Variants in GNG12 observed in about 807,000 individuals in gnomAD.
The protein encoded by GNG12 is G protein subunit gamma 12.
For missense variants in GNG12, 69 were observed against 83.8 expected (o/e 0.82, Z 0.69); for synonymous variants, 28 against 29.7 (o/e 0.94, Z 0.19).
intron 1 of GNG12, among the ~76,000 whole-genome samples, chr1:67,816,249 C>G (rs2249763): frequency 0.27 from 40,928 of 151,990 alleles, 5,952 homozygotes; most frequent in Admixed American, 0.34. Flanking sequence ...TCCCTTTGCC[C>G]CACCCACCCT....
intron 2 of GNG12, among the ~76,000 whole-genome samples, chr1:67,771,688 A>C (rs1646675621): frequency 6.6e-6 from 1 of 152,228 alleles, no homozygotes; most frequent in Non-Finnish European, 1.5e-5. Flanking sequence ...CCACCACAGC[A>C]GACACAGGCG....
rs1232585495 is a variant in GNG12 at position 67,702,601 on chromosome 1, T to C, written c.*2850A>G. Reference sequence around the variant, plus strand: ...TAAATGATTTTAAAAACCTGACATTTTTTAGAAGAAAAAAAAAAACTAGCT... The same window carrying C: ...TAAATGATTTTAAAAACCTGACATTCTTTAGAAGAAAAAAAAAAACTAGCT... On this transcript the variant is annotated 3_prime_UTR_variant, in exon 4 of 4. Coordinates refer to ENST00000370982, the MANE Select transcript of GNG12 (RefSeq NM_018841.6). 1 of 150,604 alleles carries C rather than the reference T, an allele frequency of 6.6e-6. No individual in the cohort carries two copies. The highest frequency in any genetic ancestry group is 1.5e-5 in the Non-Finnish European group (1 of 67,622). The allele number at this position is 150,604 out of a possible 1,614,324, so 9.3% of individuals were successfully genotyped here.
intron 2 of GNG12, among the ~76,000 whole-genome samples, chr1:67,762,878 T>G (rs1646613759): frequency 6.6e-6 from 1 of 152,196 alleles, no homozygotes; most frequent in Non-Finnish European, 1.5e-5. Flanking sequence ...ATTGAGTTTT[T>G]AAGGTAGTCT....
intron 1 of GNG12, among the ~76,000 whole-genome samples, chr1:67,785,853 T>C (rs565875672): frequency 6.6e-6 from 1 of 152,310 alleles, no homozygotes; most frequent in African/African-American, 2.4e-5. Flanking sequence ...CAAATCTGTA[T>C]AAATATGTAA....
intron 1 of GNG12, among the ~76,000 whole-genome samples, chr1:67,831,800 A>C (rs1172498939): frequency 6.6e-6 from 1 of 152,024 alleles, no homozygotes; most frequent in Non-Finnish European, 1.5e-5. Context: ...AACAAAAACA[A>C]AACAAAACAG....
intron 1 of GNG12, among the ~76,000 whole-genome samples, chr1:67,808,894 T>G (rs1217128087): frequency 6.6e-6 from 1 of 152,114 alleles, no homozygotes; most frequent in Admixed American, 6.6e-5. Flanking sequence ...TTCAGTGCAA[T>G]CACAATCAAA....
chr1:67,817,149 A>G (rs1169773106), intron 1 of GNG12, among the ~76,000 whole-genome samples: 1 of 152,222 alleles, frequency 6.6e-6, no homozygotes, highest in East Asian at 1.9e-4. Context: ...AAGCTACATA[A>G]TTCAATGTAA....
At chr1:67,832,579 GC>G (rs1209441555) in intron 1 of GNG12, 1 of 151,190 alleles carries the variant, frequency 6.6e-6, no homozygotes, top group Non-Finnish European at 1.5e-5. Flanking sequence ...AATTCACCCT[GC>G]CCCACGGGAT....
chr1:67,708,162 T>C (rs1057073804), intron 2 of GNG12, among the ~76,000 whole-genome samples: 1 of 152,206 alleles, frequency 6.6e-6, no homozygotes, highest in Admixed American at 6.5e-5. Flanking sequence ...CCCCAACTAT[T>C]AGGCTGATCA....
chr1:67,780,991 C>T (rs1220035983), intron 1 of GNG12, among the ~76,000 whole-genome samples: 2 of 152,192 alleles, frequency 1.3e-5, no homozygotes, highest in African/African-American at 4.8e-5. Context: ...TATTTCTTTC[C>T]ATTACTATCT....
At chr1:67,739,170 A>C (rs7517947) in intron 2 of GNG12, among the ~76,000 whole-genome samples, 8,487 of 152,192 alleles carry the variant, frequency 0.056, 718 homozygotes, top group African/African-American at 0.18. Flanking sequence ...CAGAGTGAGA[A>C]TCTGTCAATT....
chr1:67,798,117 C>A (rs1196590223), intron 1 of GNG12, among the ~76,000 whole-genome samples: 2 of 152,158 alleles, frequency 1.3e-5, no homozygotes, highest in Non-Finnish European at 2.9e-5. Flanking sequence ...CACCAAGGGT[C>A]CCCAACTCCC....
intron 2 of GNG12, among the ~76,000 whole-genome samples, chr1:67,710,751 G>C (rs186125341): frequency 6.6e-6 from 1 of 152,024 alleles, no homozygotes; most frequent in Non-Finnish European, 1.5e-5. Flanking sequence ...TGATATCTGC[G>C]TTCAGACCTG....
chr1:67,757,083 T>C (rs1646574100), intron 2 of GNG12, among the ~76,000 whole-genome samples: 1 of 152,240 alleles, frequency 6.6e-6, no homozygotes, highest in East Asian at 1.9e-4. Context: ...TTCTCAGATC[T>C]TGGAGTATTT....
At chr1:67,759,462 G>A (rs968520654) in intron 2 of GNG12, among the ~76,000 whole-genome samples, 1 of 152,154 alleles carries the variant, frequency 6.6e-6, no homozygotes, top group Non-Finnish European at 1.5e-5. Context: ...GTTTGTGTTC[G>A]GACTCTTTCA....
intron 1 of GNG12, among the ~76,000 whole-genome samples, chr1:67,821,265 G>A (rs1012935288): frequency 6.6e-6 from 1 of 152,064 alleles, no homozygotes; most frequent in African/African-American, 2.4e-5. Flanking sequence ...AGGTGGGCCC[G>A]ATCTAATCAA....
At chr1:67,766,097 G>GGCGC (rs1293861000) in intron 2 of GNG12, among the ~76,000 whole-genome samples, 1 of 109,744 alleles carries the variant, frequency 9.1e-6, no homozygotes, top group African/African-American at 3.8e-5. Flanking sequence ...AACAAAACAA[G>GGCGC]GCACACACGC....
At chr1:67,722,390 A>AT (rs1468396589) in intron 2 of GNG12, among the ~76,000 whole-genome samples, 1 of 152,158 alleles carries the variant, frequency 6.6e-6, no homozygotes, top group Non-Finnish European at 1.5e-5. Context: ...CAAACAATGA[A>AT]TGTGGGCGAC....
At chr1:67,733,047 C>T (rs920123328) in intron 2 of GNG12, among the ~76,000 whole-genome samples, 9 of 152,234 alleles carry the variant, frequency 5.9e-5, no homozygotes, top group Non-Finnish European at 4.4e-5. Context: ...TGCAACTGCA[C>T]AGGCTCCCAA....
Sources: gnomAD v4.1 joint callset for allele counts (sites outside exome capture counted in the v4.1 genomes callset) on GRCh38, gnomAD v4.1.1 for gene constraint, MANE v1.5 for transcripts, NCBI Gene and HGNC (gene_info 2026-07-23, HGNC 2026-07-21) for gene names.